The following LOXHD1 variants were observed in gnomAD, a reference collection of about 807,000 sequenced individuals.
The protein encoded by LOXHD1 is lipoxygenase homology domain-containing protein 1.
In LOXHD1, 205 loss-of-function variants were observed where a neutral mutation model predicts 248.2. The ratio of observed to expected loss-of-function variants is 0.83; its 90% CI spans 0.74 to 0.93. LOXHD1 has a LOEUF of 0.93. Among genes scored for constraint, LOXHD1 ranks in the 40% least tolerant of loss-of-function variants. The probability of loss-of-function intolerance (pLI) is 0.00; values close to 1 mark genes in which losing one functional copy is unlikely to be tolerated. For missense variants in LOXHD1, 2,930 were observed against 2,971.6 expected (o/e 0.99, Z 0.33); for synonymous variants, 1,113 against 1,162.8 (o/e 0.96, Z 0.87).
chr18:46,522,352 G>A (rs1356884271), intron 31 of LOXHD1, 43 bp from the exon 32 acceptor site: 1 of 1,488,786 alleles, frequency 6.7e-7, no homozygotes, highest in Non-Finnish European at 9.2e-7. Flanking sequence ...AGACCAGATA[G>A]ACAAGGCACT....
chr18:46,651,828 G>C (rs1014069039), intron 1 of LOXHD1, among the ~76,000 whole-genome samples: 3 of 151,908 alleles, frequency 2.0e-5, no homozygotes, highest in Non-Finnish European at 4.4e-5. Flanking sequence ...TTTTTCAATG[G>C]GCAACAAGTT....
intron 2 of LOXHD1, among the ~76,000 whole-genome samples, chr18:46,647,774 G>T (rs908542792): frequency 6.6e-6 from 1 of 152,214 alleles, no homozygotes; most frequent in Admixed American, 6.5e-5. Flanking sequence ...AAGGTACAGG[G>T]TGCAGGGATC....
intron 4 of LOXHD1, among the ~76,000 whole-genome samples, chr18:46,637,160 GAAACAAAC>G (rs3058886): frequency 4.0e-5 from 6 of 151,448 alleles, no homozygotes; most frequent in Non-Finnish European, 7.4e-5. Flanking sequence ...ACAAAAACAG[GAAACAAAC>G]AAACAAACAG....
chr18:46,587,826 G>T (rs2038090760), intron 12 of LOXHD1, among the ~76,000 whole-genome samples: 1 of 152,122 alleles, frequency 6.6e-6, no homozygotes, highest in African/African-American at 2.4e-5. Flanking sequence ...GACAGCCAAG[G>T]TGGAAATAAA....
intron 28 of LOXHD1, among the ~76,000 whole-genome samples, chr18:46,532,464 C>T (rs537937449): frequency 6.6e-6 from 1 of 152,190 alleles, no homozygotes; most frequent in Admixed American, 6.5e-5. Context: ...GAGGACTGAG[C>T]CTTGAGGAAT....
At chr18:46,599,408 T>C (rs557421298) in intron 8 of LOXHD1, among the ~76,000 whole-genome samples, 10 of 152,012 alleles carry the variant, frequency 6.6e-5, no homozygotes, top group Non-Finnish European at 1.3e-4. Context: ...CATATCTCCA[T>C]GGAAAAAAAT....
chr18:46,645,246 T>G (rs2039014319), intron 2 of LOXHD1, among the ~76,000 whole-genome samples: 1 of 152,224 alleles, frequency 6.6e-6, no homozygotes, highest in African/African-American at 2.4e-5. Context: ...AAGGAAATCT[T>G]AGAAATCTTC....
At chr18:46,509,433 T>C in intron 35 of LOXHD1, 1 of 465,474 alleles carries the variant, frequency 2.1e-6, no homozygotes, top group Admixed American at 3.3e-5. Context: ...ACCCCTCCCC[T>C]TTCTCAGGTC....
intron 16 of LOXHD1, 82 bp from the exon 17 acceptor site, chr18:46,566,531 A>T (rs1217705650): frequency 8.1e-7 from 1 of 1,230,868 alleles, no homozygotes; most frequent in African/African-American, 1.5e-5. Context: ...CCCAAACACC[A>T]GCACAAAACA....
At chr18:46,524,370 G>T in intron 31 of LOXHD1, 96 bp downstream of exon 31, 1 of 1,451,376 alleles carries the variant, frequency 6.9e-7, no homozygotes, top group Non-Finnish European at 9.3e-7. Flanking sequence ...ATATGTCATC[G>T]GTGATGGTGG....
intron 33 of LOXHD1, 130 bp downstream of exon 33, chr18:46,520,967 C>T: frequency 9.0e-7 from 1 of 1,108,464 alleles, no homozygotes; most frequent in Non-Finnish European, 1.3e-6. Context: ...GCTAGCACAC[C>T]AGGCTGCAGC....
chr18:46,514,906 C>T (rs1053186588), intron 34 of LOXHD1, among the ~76,000 whole-genome samples: 2 of 152,210 alleles, frequency 1.3e-5, no homozygotes, highest in African/African-American at 4.8e-5. Context: ...CACTGGACAC[C>T]AATCGCCTCA....
chr18:46,522,022 T>G, intron 32 of LOXHD1, 79 bp downstream of exon 32: 2 of 672,844 alleles, frequency 3.0e-6, no homozygotes, highest in Non-Finnish European at 2.3e-6. Flanking sequence ...CACCCTGCAC[T>G]CTCCCGCCCA....
At chr18:46,640,532 G>C (rs72915447) in intron 3 of LOXHD1, among the ~76,000 whole-genome samples, 16,849 of 152,148 alleles carry the variant, frequency 0.11, 1,011 homozygotes, top group Middle Eastern at 0.18. Context: ...CATGTAAAAA[G>C]ATCCAAAGAA....
intron 28 of LOXHD1, among the ~76,000 whole-genome samples, chr18:46,531,554 G>A (rs946558136): frequency 1.3e-5 from 2 of 150,886 alleles, no homozygotes; most frequent in Non-Finnish European, 3.0e-5. Flanking sequence ...CAGGGGCTGG[G>A]ATGAAATGGC....
Position 46,505,820 on chromosome 18 carries a change from G to A in LOXHD1, c.5878+18C>T, listed in dbSNP as rs578032409. On this transcript the variant is annotated intron_variant, in intron 37 of 40. Coordinates refer to ENST00000642948, the MANE Select transcript of LOXHD1 (RefSeq NM_001384474.1). ...TGAGGGCTGCCCTCCCACCAACCTG[G>A]CCTTGAGTGGGAGCTACCTTTGTTG... The A allele has an allele frequency of 2.8e-4, 434 of 1,551,306 alleles. No homozygotes were observed. The highest frequency in any genetic ancestry group is 3.7e-4 in the Non-Finnish European group (423 of 1,146,810).
At chr18:46,655,006 T>G (rs2039161545) in intron 1 of LOXHD1, among the ~76,000 whole-genome samples, 1 of 152,196 alleles carries the variant, frequency 6.6e-6, no homozygotes. Context: ...TTAACTTCTC[T>G]GTGCTTCAGA....
At chr18:46,624,707 G>A (rs1385847964) in intron 4 of LOXHD1, among the ~76,000 whole-genome samples, 1 of 152,116 alleles carries the variant, frequency 6.6e-6, no homozygotes, top group Non-Finnish European at 1.5e-5. Flanking sequence ...TGGCCTCTGC[G>A]AGATGCTCTC....
intron 2 of LOXHD1, among the ~76,000 whole-genome samples, chr18:46,647,182 C>T (rs1405930638): frequency 1.3e-5 from 2 of 152,192 alleles, no homozygotes; most frequent in Non-Finnish European, 2.9e-5. Flanking sequence ...AAGCTGGCTG[C>T]CCCATGGGAT....
Sources: allele counts gnomAD v4.1 joint callset (sites outside exome capture counted in the v4.1 genomes callset), GRCh38; gene constraint gnomAD v4.1.1; transcripts MANE v1.5; gene names NCBI Gene and HGNC (gene_info 2026-07-23, HGNC 2026-07-21).